SLIT3: variants seen among roughly 807,000 people sequenced by gnomAD.
SLIT3 encodes the protein slit guidance ligand 3.
In SLIT3, 68 loss-of-function variants were observed where a neutral mutation model predicts 184.0. The ratio of observed to expected loss-of-function variants is 0.37; its 90% CI spans 0.30 to 0.45. SLIT3 has a LOEUF of 0.45. SLIT3 is among the 20% of genes least tolerant of loss of function. The probability of loss-of-function intolerance (pLI) is 1.00; values close to 1 mark genes in which losing one functional copy is unlikely to be tolerated. For missense variants in SLIT3, 1,707 were observed against 2,026.0 expected, an observed-to-expected ratio of 0.84 and a Z score of 3.02; for synonymous variants, 831 against 828.6, an observed-to-expected ratio of 1.00 and a Z score of -0.05.
At chr5:168,726,341 AGAGG>A (rs1763107215) in intron 20 of SLIT3, among the ~76,000 whole-genome samples, 1 of 84,254 alleles carries the variant, frequency 1.2e-5, no homozygotes, top group Non-Finnish European at 2.5e-5. Context: ...ATATAGGTGG[AGAGG>A]GAGGCAGGGA....
chr5:169,090,777 G>A (rs998828034), intron 4 of SLIT3, among the ~76,000 whole-genome samples: 1 of 152,204 alleles, frequency 6.6e-6, no homozygotes. Flanking sequence ...AAGGAATGCT[G>A]GCAGCTGCTA....
intron 5 of SLIT3, among the ~76,000 whole-genome samples, chr5:168,865,820 T>C (rs769765810): frequency 1.3e-5 from 2 of 152,218 alleles, no homozygotes; most frequent in African/African-American, 2.4e-5. Flanking sequence ...TATACATATA[T>C]AAAATCATAT....
At chr5:168,911,282 G>T (rs1414739216) in intron 4 of SLIT3, among the ~76,000 whole-genome samples, 1 of 152,100 alleles carries the variant, frequency 6.6e-6, no homozygotes, top group Non-Finnish European at 1.5e-5. Context: ...TGGGGTCCTG[G>T]AGCTGCCGGT....
chr5:169,278,587 A>C lies in SLIT3; in HGVS notation c.197+21926T>G, dbSNP rs763109008. Among the ~76,000 whole-genome samples the C allele has an allele frequency of 8.7e-4, 132 of 152,170 alleles. 2 individuals are homozygous for C. Among genetic ancestry groups the C allele is most frequent in the Admixed American group, 4.6e-4 (7 of 15,286 alleles). ...TTGTTACTGTAACGCTCCAGTATTAATGCGCAGGCCCAAAGAAAACCCTGC... is the reference window on the plus strand; with the variant it reads ...TTGTTACTGTAACGCTCCAGTATTACTGCGCAGGCCCAAAGAAAACCCTGC... On this transcript the variant is annotated intron_variant, in intron 1 of 35. Transcript: ENST00000519560.
chr5:168,846,841 T>C (rs780493171), intron 5 of SLIT3, among the ~76,000 whole-genome samples: 1 of 152,176 alleles, frequency 6.6e-6, no homozygotes, highest in African/African-American at 2.4e-5. Flanking sequence ...CAGGAGACTC[T>C]ACATGTACAG....
chr5:168,931,379 G>A (rs1283248004), intron 4 of SLIT3, among the ~76,000 whole-genome samples: 2 of 152,164 alleles, frequency 1.3e-5, no homozygotes, highest in East Asian at 1.9e-4. Context: ...CTATCCATCC[G>A]TCATACAAAT....
At chr5:169,069,751 G>GGACA (rs370053753) in intron 4 of SLIT3, among the ~76,000 whole-genome samples, 12 of 152,072 alleles carry the variant, frequency 7.9e-5, no homozygotes, top group South Asian at 2.1e-4. Flanking sequence ...GTAGGGAGGT[G>GGACA]GACAGACAGA....
intron 12 of SLIT3, among the ~76,000 whole-genome samples, chr5:168,777,064 AACACACACACACACAC>A (rs556884651): frequency 6.1e-5 from 4 of 65,820 alleles, no homozygotes. Flanking sequence ...AATTTCATAC[AACACACACACACACAC>A]ACACACACAC....
rs1561767664 is a variant in SLIT3 at position 169,251,494 on chromosome 5, T to C, written c.198-35A>G. ...AGAGCAAATTCAGGTCAGATTTTTG[T>C]GGGTTACAATTACGGTCTATTTAAT... is the stretch of plus-strand genomic sequence containing the variant. On this transcript the variant is annotated intron_variant, in intron 1 of 35. Transcript: ENST00000519560. The C allele has an allele frequency of 2.8e-6, 4 of 1,428,484 alleles. No individual in the cohort carries two copies. In the South Asian group the frequency reaches 4.6e-5, roughly 16 times the overall value. 88.5% of individuals were successfully genotyped at this position (1,428,484 alleles called of 1,614,324 possible).
At chr5:169,189,956 G>C (rs1343059365) in intron 4 of SLIT3, among the ~76,000 whole-genome samples, 1 of 152,110 alleles carries the variant, frequency 6.6e-6, no homozygotes, top group Non-Finnish European at 1.5e-5. Flanking sequence ...CAAAGCGCAG[G>C]GAACTGCATA....
At chr5:168,920,586 G>T (rs938737613) in intron 4 of SLIT3, among the ~76,000 whole-genome samples, 2 of 152,130 alleles carry the variant, frequency 1.3e-5, no homozygotes, top group Admixed American at 1.3e-4. Flanking sequence ...GTTTTAATGC[G>T]TCTTTCCAGC....
At chr5:168,865,571 G>A (rs1292637153) in intron 5 of SLIT3, among the ~76,000 whole-genome samples, 1 of 152,238 alleles carries the variant, frequency 6.6e-6, no homozygotes, top group Non-Finnish European at 1.5e-5. Context: ...TGTTCGCCAG[G>A]ATCCATGCAT....
rs1760945008 is a variant in SLIT3, at chr5:168,663,722, A to T, written c.*2732T>A. 1 of 151,918 alleles carries T rather than the reference A, an allele frequency of 6.6e-6. No individual in the cohort carries two copies. The highest frequency in any genetic ancestry group is 6.6e-5 in the Admixed American group (1 of 15,256). 9.4% of individuals were successfully genotyped at this position (151,918 alleles called of 1,614,324 possible). A position where few individuals can be genotyped will look rare whatever the true frequency, so the allele number is the denominator to read the frequency against. On this transcript the variant is annotated 3_prime_UTR_variant, in exon 36 of 36. Transcript: ENST00000519560. ...AACAAGCCAGGCCTGGCCATATCTC[A>T]TTGCTTTTTAAAAGGCCACTCCCAG... is the stretch of plus-strand genomic sequence containing the variant.
At chr5:169,221,379 T>C (rs1219962176) in intron 3 of SLIT3, among the ~76,000 whole-genome samples, 1 of 152,174 alleles carries the variant, frequency 6.6e-6, no homozygotes, top group East Asian at 1.9e-4. Context: ...TATGTGAGTG[T>C]CAATACACTG....
chr5:168,988,387 C>T (rs555676209), intron 4 of SLIT3, among the ~76,000 whole-genome samples: 1 of 152,122 alleles, frequency 6.6e-6, no homozygotes, highest in South Asian at 2.1e-4. Context: ...GGAACACAGA[C>T]AACACTCAGA....
chr5:168,882,846 G>C, intron 5 of SLIT3, among the ~76,000 whole-genome samples: 1 of 152,154 alleles, frequency 6.6e-6, no homozygotes. Context: ...CACCATCATC[G>C]TCAAGGTTCC....
intron 4 of SLIT3, among the ~76,000 whole-genome samples, chr5:168,934,998 C>T (rs1762106889): frequency 6.7e-6 from 1 of 149,000 alleles, no homozygotes; most frequent in Non-Finnish European, 1.5e-5. Flanking sequence ...ATTAGCCAGG[C>T]ATGGTGGCGT....
At chr5:169,194,967 C>G (rs2113474049) in intron 3 of SLIT3, among the ~76,000 whole-genome samples, 1 of 152,268 alleles carries the variant, frequency 6.6e-6, no homozygotes, top group African/African-American at 2.4e-5. Flanking sequence ...GCAAGGGAAA[C>G]AGGAAGCCAC....
chr5:169,219,377 T>C (rs977840001), intron 3 of SLIT3, among the ~76,000 whole-genome samples: 6 of 152,252 alleles, frequency 3.9e-5, no homozygotes, highest in Non-Finnish European at 7.3e-5. Context: ...TGCAGACCAT[T>C]ATTAATCTCG....
Sources: gnomAD v4.1 joint callset for allele counts (sites outside exome capture counted in the v4.1 genomes callset) on GRCh38, gnomAD v4.1.1 for gene constraint, MANE v1.5 for transcripts, NCBI Gene and HGNC (gene_info 2026-07-23, HGNC 2026-07-21) for gene names.